The following PDXDC1 variants were observed in gnomAD, a reference collection of about 807,000 sequenced individuals.
PDXDC1 encodes pyridoxal-dependent decarboxylase domain-containing protein 1.
PDXDC1 carries 42 observed loss-of-function variants against 100.1 expected under a neutral mutation model. That is an observed-to-expected ratio of 0.42 (90% CI 0.33 to 0.54). The LOEUF (loss-of-function observed/expected upper bound fraction) is 0.54. Among genes scored for constraint, PDXDC1 ranks in the 20% least tolerant of loss-of-function variants. The pLI is 0.10. For missense variants in PDXDC1, 636 were observed against 979.2 expected (o/e 0.65, Z 4.68); for synonymous variants, 260 against 371.7 (o/e 0.70, Z 3.46).
intron 16 of PDXDC1, chr16:15,061,774 G>A (rs550250275): frequency 1.1e-5 from 18 of 1,613,966 alleles, no homozygotes; most frequent in South Asian, 2.2e-5. Context: ...TGTACAACAC[G>A]GGTGGGGAGC....
downstream of PDXDC1, among the ~76,000 whole-genome samples, chr16:15,041,383 C>T (rs531916953): frequency 3.3e-5 from 5 of 152,202 alleles, no homozygotes; most frequent in Non-Finnish European, 5.9e-5. Flanking sequence ...GGTGGCAGCT[C>T]CTCTGAGATC....
At chr16:15,047,407 T>C in intron 16 of PDXDC1, 1 of 1,363,116 alleles carries the variant, frequency 7.3e-7, no homozygotes, top group Non-Finnish European at 1.1e-6. Flanking sequence ...GGTTCCAAGA[T>C]CTCAATTCAC....
At chr16:15,137,331 G>A (rs2048379363) in intron 16 of PDXDC1, 5 of 1,423,964 alleles carry the variant, frequency 3.5e-6, no homozygotes, top group Non-Finnish European at 9.6e-7. Flanking sequence ...CCGGAGCAGA[G>A]GGACAGGCAG....
intron 6 of PDXDC1, 143 bp from the exon 7 acceptor site, chr16:15,008,636 A>G: frequency 1.5e-6 from 1 of 650,702 alleles, no homozygotes; most frequent in Non-Finnish European, 2.5e-6. Context: ...GTACTTTAAC[A>G]TCAATTTATA....
chr16:15,146,182 T>G, the PDXDC1 span, among the ~76,000 whole-genome samples: 1 of 152,034 alleles, frequency 6.6e-6, no homozygotes, highest in Non-Finnish European at 1.5e-5. Flanking sequence ...TCCACAGAGA[T>G]GGCTCCAGCA....
At chr16:15,022,299 T>C (rs4985127) in intron 12 of PDXDC1, among the ~76,000 whole-genome samples, 1 of 152,206 alleles carries the variant, frequency 6.6e-6, no homozygotes, top group Non-Finnish European at 1.5e-5. Flanking sequence ...AATTGACTTA[T>C]CCGTGGTCCT....
chr16:15,018,141 C>T (rs1283280092), intron 11 of PDXDC1, among the ~76,000 whole-genome samples: 1 of 151,764 alleles, frequency 6.6e-6, no homozygotes, highest in Non-Finnish European at 1.5e-5. Context: ...TGGCTCATGC[C>T]TGTAATCCCA....
chr16:15,079,596 CT>C (rs35328128), intron 16 of PDXDC1, among the ~76,000 whole-genome samples: 90,272 of 142,946 alleles, frequency 0.63, 29,720 homozygotes, highest in Non-Finnish European at 0.73. Context: ...GGTTTCTTTT[CT>C]TTTTTTTTTT....
intron 16 of PDXDC1, among the ~76,000 whole-genome samples, chr16:15,097,417 G>C (rs969947667): frequency 7.3e-6 from 1 of 136,288 alleles, no homozygotes; most frequent in African/African-American, 2.7e-5. Context: ...GAGGTCAGGA[G>C]ATCGAGACCA....
rs1196413885 is a variant in PDXDC1, at chr16:15,035,373, G to A, written c.2003-76G>A. On this transcript the variant is annotated intron_variant, in intron 21 of 22. Coordinates refer to ENST00000396410, the MANE Select transcript of PDXDC1 (RefSeq NM_015027.4). The stretch of plus-strand genomic sequence containing the variant: ...TGGAAGGAGGTTATTGGGGAGCAAG[G>A]CTGTGTGAGGGCAGGTGGTGTCTTC... 3 of 717,190 alleles carry A rather than the reference G, an allele frequency of 4.2e-6. No homozygotes were observed. In the African/African-American group the frequency reaches 5.5e-5, roughly 13 times the overall value. 44.4% of individuals were successfully genotyped at this position (717,190 alleles called of 1,614,324 possible).
intron 7 of PDXDC1, 157 bp from the exon 8 acceptor site, chr16:15,009,524 C>T (rs1480727706): frequency 1.8e-6 from 2 of 1,108,690 alleles, no homozygotes; most frequent in Non-Finnish European, 1.2e-6. Context: ...ATTTGATTTT[C>T]ACATCTATGA....
At chr16:15,091,559 T>C (rs1438734354) in intron 16 of PDXDC1, among the ~76,000 whole-genome samples, 1 of 151,596 alleles carries the variant, frequency 6.6e-6, no homozygotes, top group Non-Finnish European at 1.5e-5. Context: ...GCCAGAGGGC[T>C]TGGAAAAAGG....
At chr16:15,057,823 T>G (rs989973131) in intron 16 of PDXDC1, among the ~76,000 whole-genome samples, 1 of 152,220 alleles carries the variant, frequency 6.6e-6, no homozygotes, top group Non-Finnish European at 1.5e-5. Flanking sequence ...GGGTTCTGCC[T>G]GGGGCTGGTG....
the PDXDC1 span, among the ~76,000 whole-genome samples, chr16:15,149,405 G>A: frequency 7.2e-5 from 11 of 152,204 alleles, no homozygotes; most frequent in African/African-American, 1.9e-4. Flanking sequence ...ACAATCCCTA[G>A]TCCTTGCTCT....
chr16:15,023,550 T>TG (rs2042362025), intron 13 of PDXDC1, among the ~76,000 whole-genome samples: 1 of 152,268 alleles, frequency 6.6e-6, no homozygotes, highest in Admixed American at 6.5e-5. Context: ...TCCCAGCTAC[T>TG]GGGGAGGCTG....
intron 16 of PDXDC1, chr16:15,055,624 G>A: frequency 3.1e-6 from 1 of 327,306 alleles, no homozygotes. Context: ...CCGAGCCGCA[G>A]TGCTGTGCGA....
chr16:15,061,751 G>C (rs780213623), intron 16 of PDXDC1: 5 of 1,611,200 alleles, frequency 3.1e-6, no homozygotes, highest in South Asian at 1.1e-5. Flanking sequence ...CCGTCAGAGG[G>C]GACTGGGTTG....
chr16:15,063,782 T>C (rs2044829894), intron 16 of PDXDC1, among the ~76,000 whole-genome samples: 1 of 151,976 alleles, frequency 6.6e-6, no homozygotes. Flanking sequence ...TGTGGCTCTT[T>C]CTGTATAAGA....
chr16:15,047,314 G>A (rs542630919), intron 16 of PDXDC1: 2 of 692,814 alleles, frequency 2.9e-6, no homozygotes, highest in South Asian at 1.7e-5. Context: ...GCCAGGTTCT[G>A]TTCCAGGGGA....
Sources: allele counts gnomAD v4.1 joint callset (sites outside exome capture counted in the v4.1 genomes callset), GRCh38; gene constraint gnomAD v4.1.1; transcripts MANE v1.5; gene names NCBI Gene and HGNC (gene_info 2026-07-23, HGNC 2026-07-21).